Variants in LRRC37A3 observed in about 807,000 individuals in gnomAD.
LRRC37A3 encodes leucine-rich repeat-containing protein 37A3.
In LRRC37A3, 25 loss-of-function variants were observed where a neutral mutation model predicts 106.2. That is an observed-to-expected ratio of 0.24 (90% confidence interval 0.17 to 0.33). The LOEUF is 0.33. Ranked by LOEUF, LRRC37A3 falls within the 10% of genes least tolerant of loss-of-function variation. The pLI is 1.00. For synonymous variants in LRRC37A3, 305 were observed against 635.8 expected, an observed-to-expected ratio of 0.48 and a Z score of 7.83; for missense variants, 712 against 1,644.9, an observed-to-expected ratio of 0.43 and a Z score of 9.81.
At chr17:64,917,245 CAAAAAAAAAAA>C (rs1283286984) in intron 2 of LRRC37A3, among the ~76,000 whole-genome samples, 1 of 28,422 alleles carries the variant, frequency 3.5e-5, no homozygotes, top group African/African-American at 1.5e-4. Context: ...GACTCCATCT[CAAAAAAAAAAA>C]AAAAAAAAAA....
At chr17:64,864,837 G>T (rs1973001439) in intron 10 of LRRC37A3, among the ~76,000 whole-genome samples, 1 of 152,146 alleles carries the variant, frequency 6.6e-6, no homozygotes, top group South Asian at 2.1e-4. Context: ...TGCAGAGGTT[G>T]TGGGGGGCCT....
At chr17:64,877,315 C>CCTCA (rs1192883619) in intron 8 of LRRC37A3, among the ~76,000 whole-genome samples, 4 of 152,090 alleles carry the variant, frequency 2.6e-5, no homozygotes, top group Admixed American at 6.6e-5. Flanking sequence ...GATTCTCCTA[C>CCTCA]CTCAGCCTCC....
chr17:64,866,557 T>C (rs1318402293), intron 10 of LRRC37A3, among the ~76,000 whole-genome samples: 3 of 115,274 alleles, frequency 2.6e-5, no homozygotes, highest in South Asian at 5.3e-4. Context: ...TATATACACG[T>C]ACATATATAT....
At chr17:64,915,475 A>G (rs112021116) in intron 2 of LRRC37A3, among the ~76,000 whole-genome samples, 589 of 139,830 alleles carry the variant, frequency 4.2e-3, no homozygotes, top group Non-Finnish European at 6.7e-3. Context: ...AGCTATTATC[A>G]TTCATTTACA....
chr17:64,856,170 C>A (rs1400545318), intron 13 of LRRC37A3, among the ~76,000 whole-genome samples: 1 of 151,992 alleles, frequency 6.6e-6, no homozygotes, highest in Non-Finnish European at 1.5e-5. Flanking sequence ...TGCTTATAAC[C>A]AACACGCATC....
intron 8 of LRRC37A3, among the ~76,000 whole-genome samples, chr17:64,881,436 C>T (rs991597233): frequency 8.1e-5 from 11 of 135,096 alleles, no homozygotes; most frequent in Non-Finnish European, 1.7e-4. Flanking sequence ...TTAGTAGAGA[C>T]AGGGTTTCAC....
At chr17:64,866,767 A>T (rs1377932987) in intron 10 of LRRC37A3, among the ~76,000 whole-genome samples, 2 of 138,950 alleles carry the variant, frequency 1.4e-5, no homozygotes, top group East Asian at 4.2e-4. Flanking sequence ...AGTAGCTGGG[A>T]CTACAGGCGT....
At chr17:64,917,071 C>A (rs1974719508) in intron 2 of LRRC37A3, among the ~76,000 whole-genome samples, 2 of 151,442 alleles carry the variant, frequency 1.3e-5, no homozygotes, top group Non-Finnish European at 2.9e-5. Context: ...TGGTGAAACC[C>A]CGTCTCTACT....
chr17:64,909,945 T>C (rs1974548215), intron 2 of LRRC37A3: 1 of 152,072 alleles, frequency 6.6e-6, no homozygotes, highest in African/African-American at 2.4e-5. Context: ...AATGGAGGAA[T>C]TATATTACAA....
chr17:64,871,343 A>G (rs1217980367), intron 8 of LRRC37A3, among the ~76,000 whole-genome samples: 2 of 152,196 alleles, frequency 1.3e-5, no homozygotes, highest in African/African-American at 2.4e-5. Context: ...GGTTGCAGTG[A>G]GCCAAGATCA....
intron 2 of LRRC37A3, among the ~76,000 whole-genome samples, chr17:64,910,496 A>C (rs1974564966): frequency 6.6e-6 from 1 of 152,270 alleles, no homozygotes; most frequent in Non-Finnish European, 1.5e-5. Flanking sequence ...ATGCAGGGGT[A>C]AAGTCATGCC....
intron 10 of LRRC37A3, among the ~76,000 whole-genome samples, chr17:64,867,175 TG>T (rs1291259102): frequency 1.3e-5 from 2 of 150,768 alleles, no homozygotes; most frequent in Non-Finnish European, 3.0e-5. Context: ...TAAAAACTTC[TG>T]CTCTTCAGAA....
intron 8 of LRRC37A3, among the ~76,000 whole-genome samples, chr17:64,881,729 G>C (rs1973706395): frequency 6.6e-6 from 1 of 151,074 alleles, no homozygotes; most frequent in South Asian, 2.1e-4. Flanking sequence ...AGCGTTTACA[G>C]CACAAAGCAA....
chr17:64,881,682 G>A (rs1201561982), intron 8 of LRRC37A3, among the ~76,000 whole-genome samples: 1 of 148,064 alleles, frequency 6.8e-6, no homozygotes, highest in Non-Finnish European at 1.5e-5. Flanking sequence ...ACTTTCTGGT[G>A]AAGTGACTTG....
chr17:64,866,628 A>ATTTTT (rs1183521580), intron 10 of LRRC37A3, among the ~76,000 whole-genome samples: 9 of 17,870 alleles, frequency 5.0e-4, no homozygotes, highest in Non-Finnish European at 6.0e-4. Context: ...ATATATATAT[A>ATTTTT]TTTTTTTTTT....
chr17:64,912,362 T>C (rs1457905577), intron 2 of LRRC37A3, among the ~76,000 whole-genome samples: 2 of 151,504 alleles, frequency 1.3e-5, no homozygotes, highest in Non-Finnish European at 2.9e-5. Flanking sequence ...CACACACACA[T>C]ATATACAATT....
At chr17:64,855,049 C>T (rs764755248) in intron 14 of LRRC37A3, among the ~76,000 whole-genome samples, 7 of 152,136 alleles carry the variant, frequency 4.6e-5, no homozygotes, top group Non-Finnish European at 8.8e-5. Context: ...GTTGGTCAGG[C>T]TGGTCACGAG....
chr17:64,879,682 A>G (rs1465545622), intron 8 of LRRC37A3, among the ~76,000 whole-genome samples: 2 of 152,112 alleles, frequency 1.3e-5, no homozygotes, highest in Non-Finnish European at 2.9e-5. Flanking sequence ...TTTGGCATGA[A>G]AACTTGTAAG....
At chr17:64,873,619 G>C (rs1051078456) in intron 8 of LRRC37A3, among the ~76,000 whole-genome samples, 3 of 149,938 alleles carry the variant, frequency 2.0e-5, no homozygotes, top group Non-Finnish European at 4.4e-5. Context: ...GAGTCAAATA[G>C]AAATTCTAGA....
Sources: allele counts gnomAD v4.1 joint callset (sites outside exome capture counted in the v4.1 genomes callset), GRCh38; gene constraint gnomAD v4.1.1; transcripts MANE v1.5; gene names NCBI Gene and HGNC (gene_info 2026-07-23, HGNC 2026-07-21).